The following CNTN5 variants were observed in gnomAD, a reference collection of about 807,000 sequenced individuals.
CNTN5 encodes contactin 5.
CNTN5 carries 77 observed loss-of-function variants against 129.1 expected under a neutral mutation model. The observed-to-expected ratio is 0.60, with a 90% CI of 0.50 to 0.72. The LOEUF (loss-of-function observed/expected upper bound fraction) is 0.72, where lower values mean the gene tolerates loss of function less well. Among genes scored for constraint, CNTN5 ranks in the 30% least tolerant of loss-of-function variants. The pLI, the probability that CNTN5 is intolerant of heterozygous loss-of-function variation, is 0.00. For missense variants in CNTN5, 1,478 were observed against 1,328.8 expected, an observed-to-expected ratio of 1.11 and a Z score of -1.75; for synonymous variants, 509 against 465.6, an observed-to-expected ratio of 1.09 and a Z score of -1.20.
chr11:99,215,896 G>T (rs191413820), intron 1 of CNTN5, among the ~76,000 whole-genome samples: 3 of 152,026 alleles, frequency 2.0e-5, no homozygotes, highest in Admixed American at 2.0e-4. Flanking sequence ...ATTATTAATC[G>T]TCAGTGCATA....
intron 13 of CNTN5, among the ~76,000 whole-genome samples, chr11:100,186,586 T>C (rs113351780): frequency 6.6e-6 from 1 of 152,040 alleles, no homozygotes; most frequent in Admixed American, 6.6e-5. Context: ...CAGGGCTAGA[T>C]AGAAACTTAT....
chr11:99,816,479 T>C (rs905286443), intron 3 of CNTN5, among the ~76,000 whole-genome samples: 7 of 152,188 alleles, frequency 4.6e-5, no homozygotes. Context: ...CCTCAAGCTC[T>C]TGCCTTTTCC....
intron 1 of CNTN5, among the ~76,000 whole-genome samples, chr11:99,207,564 GT>G (rs966053287): frequency 2.1e-4 from 32 of 152,144 alleles, no homozygotes; most frequent in African/African-American, 5.8e-4. Context: ...TTTTTCTATT[GT>G]TTTTTTCCTT....
At chr11:99,956,434 A>C (rs1043023626) in intron 7 of CNTN5, among the ~76,000 whole-genome samples, 1 of 152,152 alleles carries the variant, frequency 6.6e-6, no homozygotes, top group Admixed American at 6.5e-5. Flanking sequence ...GTATCTTCTT[A>C]TTCTACATTG....
chr11:100,032,386 T>C (rs1941758321), intron 9 of CNTN5, among the ~76,000 whole-genome samples: 3 of 152,100 alleles, frequency 2.0e-5, no homozygotes, highest in Admixed American at 1.3e-4. Flanking sequence ...TCTTCAATCC[T>C]AGCCAAAACA....
intron 7 of CNTN5, among the ~76,000 whole-genome samples, chr11:99,936,010 A>T (rs1285836188): frequency 2.0e-5 from 3 of 152,122 alleles, no homozygotes; most frequent in Non-Finnish European, 4.4e-5. Context: ...CTTCCTGTCT[A>T]CTTTTACGTT....
At chr11:100,183,886 A>AC (rs2138465694) in intron 13 of CNTN5, among the ~76,000 whole-genome samples, 1 of 152,102 alleles carries the variant, frequency 6.6e-6, no homozygotes, top group South Asian at 2.1e-4. Flanking sequence ...CCCCTCGCCT[A>AC]CCTCTCCAGT....
chr11:99,886,188 A>C (rs1213298815), intron 6 of CNTN5, among the ~76,000 whole-genome samples: 1 of 152,068 alleles, frequency 6.6e-6, no homozygotes, highest in Non-Finnish European at 1.5e-5. Flanking sequence ...GTTTCACTGT[A>C]ATATATTCAC....
At chr11:99,929,150 A>T (rs537213778) in intron 7 of CNTN5, among the ~76,000 whole-genome samples, 3 of 152,026 alleles carry the variant, frequency 2.0e-5, no homozygotes, top group Non-Finnish European at 4.4e-5. Flanking sequence ...CCTCATCTCC[A>T]TCGGAGACCA....
At position 100,255,845 on chromosome 11, in the gene CNTN5, C is replaced by T; in HGVS notation, c.2091C>T (p.Asn697=). 1.9e-6 allele frequency: 3 copies of T among 1,613,920 alleles called. No individual in the cohort carries two copies. Among genetic ancestry groups the T allele is most frequent in the Non-Finnish European group, 2.5e-6 (3 of 1,179,874 alleles). ...TGTCCTGGAGCCCAGCAGCTGACAA[C>T]CACAGCCCAATCTCCTCCTACAACC... ...ATLSWSPAAD[N]HSPISSYNLQ... The change falls in exon 17 of 25, where the codon AAC becomes AAT. Residue 697 remains asparagine (N), a synonymous_variant. Coordinates refer to ENST00000524871, the MANE Select transcript of CNTN5 (RefSeq NM_014361.4).
chr11:99,281,023 A>AT (rs1475893493), intron 1 of CNTN5, among the ~76,000 whole-genome samples: 1 of 151,902 alleles, frequency 6.6e-6, no homozygotes, highest in Non-Finnish European at 1.5e-5. Flanking sequence ...CAGTGCATGG[A>AT]TTGATCAATA....
At chr11:99,778,241 A>G (rs912410943) in intron 3 of CNTN5, among the ~76,000 whole-genome samples, 8 of 151,674 alleles carry the variant, frequency 5.3e-5, no homozygotes, top group Non-Finnish European at 1.2e-4. Context: ...TGGATACACA[A>G]CTCAGGTTTT....
intron 1 of CNTN5, among the ~76,000 whole-genome samples, chr11:99,053,745 A>G (rs1187300381): frequency 6.6e-6 from 1 of 152,010 alleles, no homozygotes; most frequent in Non-Finnish European, 1.5e-5. Context: ...TAATGAGGGC[A>G]GAAGCCTAAC....
intron 14 of CNTN5, among the ~76,000 whole-genome samples, chr11:100,192,085 A>G (rs1222437056): frequency 1.3e-5 from 2 of 152,066 alleles, no homozygotes; most frequent in Non-Finnish European, 2.9e-5. Context: ...TTTAGAAGAG[A>G]GAACATCAAG....
intron 3 of CNTN5, among the ~76,000 whole-genome samples, chr11:99,700,171 G>A (rs572245636): frequency 9.9e-5 from 15 of 151,442 alleles, no homozygotes; most frequent in South Asian, 2.1e-4. Context: ...TCTTTAAAAC[G>A]TTATAACATC....
intron 1 of CNTN5, among the ~76,000 whole-genome samples, chr11:99,128,056 T>C (rs17133118): frequency 0.088 from 13,460 of 152,226 alleles, 731 homozygotes; most frequent in South Asian, 0.12. Context: ...ATCAACCTCA[T>C]TCCAATAACA....
chr11:100,154,971 G>A (rs1947189353), intron 13 of CNTN5, among the ~76,000 whole-genome samples: 1 of 152,078 alleles, frequency 6.6e-6, no homozygotes, highest in Non-Finnish European at 1.5e-5. Flanking sequence ...TCTGTAGGTT[G>A]CCTGTTCACT....
intron 3 of CNTN5, among the ~76,000 whole-genome samples, chr11:99,582,657 C>A (rs1042874090): frequency 6.6e-6 from 1 of 152,214 alleles, no homozygotes; most frequent in Non-Finnish European, 1.5e-5. Flanking sequence ...AGTTCTCATG[C>A]CATGCTTTTC....
chr11:99,601,988 C>G (rs184102148), intron 3 of CNTN5, among the ~76,000 whole-genome samples: 3 of 152,068 alleles, frequency 2.0e-5, no homozygotes, highest in Non-Finnish European at 2.9e-5. Flanking sequence ...TACCTATATA[C>G]CTATATATAC....
Sources: allele counts gnomAD v4.1 joint callset (sites outside exome capture counted in the v4.1 genomes callset), GRCh38; gene constraint gnomAD v4.1.1; transcripts MANE v1.5; gene names NCBI Gene and HGNC (gene_info 2026-07-23, HGNC 2026-07-21).